The following KITLG variants were observed in gnomAD, a reference collection of about 807,000 sequenced individuals.
KITLG encodes the protein KIT ligand.
In KITLG, 13 loss-of-function variants were observed where a neutral mutation model predicts 34.1. That is an observed-to-expected ratio of 0.38 (90% CI 0.25 to 0.61). KITLG has a LOEUF of 0.61. Among genes scored for constraint, KITLG ranks in the 20% least tolerant of loss-of-function variants. The pLI, the probability that KITLG is intolerant of heterozygous loss-of-function variation, is 0.60. For synonymous variants in KITLG, 110 were observed against 104.0 expected, an observed-to-expected ratio of 1.06 and a Z score of -0.35; for missense variants, 292 against 318.9, an observed-to-expected ratio of 0.92 and a Z score of 0.64.
chr12:88,580,445 G>T lies in KITLG; in HGVS notation c.-167C>A. 1 of 832,770 alleles carries T rather than the reference G, an allele frequency of 1.2e-6. No individual in the cohort carries two copies. The highest frequency in any genetic ancestry group is 1.9e-6 in the Non-Finnish European group (1 of 522,126). 51.6% of individuals were successfully genotyped at this position (832,770 alleles called of 1,614,324 possible). ...GTCCCTGCTTCCCGCAGCGCTTCTA[G>T]TCTCGGCGCGAGGCGGCGAGCGAAG... On this transcript the variant is annotated 5_prime_UTR_variant, in exon 1 of 10. Coordinates refer to ENST00000644744, the MANE Select transcript of KITLG (RefSeq NM_000899.5).
intron 6 of KITLG, among the ~76,000 whole-genome samples, chr12:88,509,687 A>T (rs756273098): frequency 1.3e-5 from 2 of 152,212 alleles, no homozygotes; most frequent in Non-Finnish European, 2.9e-5. Flanking sequence ...TTCACCTCCC[A>T]TAGAGGTCAA....
chr12:88,501,172 CCTT>C (rs1426497971), intron 9 of KITLG, among the ~76,000 whole-genome samples: 2 of 152,092 alleles, frequency 1.3e-5, no homozygotes, highest in Non-Finnish European at 2.9e-5. Flanking sequence ...ATTAAACCCT[CCTT>C]CTTTTCATTT....
intron 3 of KITLG, among the ~76,000 whole-genome samples, chr12:88,523,356 C>T (rs1869746615): frequency 6.6e-6 from 1 of 152,166 alleles, no homozygotes; most frequent in African/African-American, 2.4e-5. Flanking sequence ...CGCGAGAAAC[C>T]AGGACTCTCG....
rs1869009687 is a variant in KITLG, at chr12:88,505,141, AAG to A, written c.*37+16_*37+17del. 7.6e-7 allele frequency: 1 copy of A among 1,321,020 alleles called. No individual in the cohort carries two copies. The highest frequency in any genetic ancestry group is 1.5e-5 in the African/African-American group (1 of 67,874). The allele number at this position is 1,321,020 out of a possible 1,614,324, so 81.8% of individuals were successfully genotyped here. ...TAATAAAAAAAAGAAAAAAAAAGGA[AAG>A]AAGAAAAAAACTTACCAATGTACGA... is the stretch of plus-strand genomic sequence containing the variant. On this transcript the variant is annotated intron_variant, in intron 9 of 9. Transcript: ENST00000644744.
At chr12:88,544,704 T>C (rs767347350) in intron 2 of KITLG, among the ~76,000 whole-genome samples, 5 of 152,156 alleles carry the variant, frequency 3.3e-5, no homozygotes, top group Non-Finnish European at 7.3e-5. Flanking sequence ...GTATAAATTG[T>C]GTCTGTGTGT....
At chr12:88,566,261 T>C (rs1187379348) in intron 1 of KITLG, among the ~76,000 whole-genome samples, 1 of 152,118 alleles carries the variant, frequency 6.6e-6, no homozygotes, top group African/African-American at 2.4e-5. Flanking sequence ...TCTGGATCCA[T>C]TCTTAGAATG....
intron 1 of KITLG, among the ~76,000 whole-genome samples, chr12:88,569,958 T>A (rs1030876425): frequency 9.2e-5 from 14 of 152,196 alleles, no homozygotes; most frequent in Admixed American, 7.9e-4. Flanking sequence ...AAATGGCTGG[T>A]AGCTTTAAAA....
intron 1 of KITLG, among the ~76,000 whole-genome samples, chr12:88,560,740 C>T (rs868704490): frequency 3.2e-4 from 49 of 152,112 alleles, no homozygotes; most frequent in Middle Eastern, 3.4e-3. Context: ...GAGGCTGAGG[C>T]GGGCGGATCA....
intron 1 of KITLG, among the ~76,000 whole-genome samples, chr12:88,573,735 A>G (rs1297484347): frequency 6.6e-6 from 1 of 152,220 alleles, no homozygotes; most frequent in African/African-American, 2.4e-5. Flanking sequence ...AGGTTTGCAC[A>G]GGGATGCAAT....
chr12:88,517,468 G>A (rs1368803329), intron 4 of KITLG, among the ~76,000 whole-genome samples: 1 of 151,978 alleles, frequency 6.6e-6, no homozygotes, highest in African/African-American at 2.4e-5. Context: ...AATCTCCTGG[G>A]TTCCCACCAA....
intron 4 of KITLG, among the ~76,000 whole-genome samples, chr12:88,517,983 G>GTA (rs1307329813): frequency 6.6e-6 from 1 of 152,132 alleles, no homozygotes; most frequent in Non-Finnish European, 1.5e-5. Flanking sequence ...TTTTGCTATA[G>GTA]ACACAGTGTG....
At chr12:88,522,584 C>T (rs933779924) in intron 3 of KITLG, among the ~76,000 whole-genome samples, 3 of 151,970 alleles carry the variant, frequency 2.0e-5, no homozygotes, top group African/African-American at 2.4e-5. Flanking sequence ...TCTGCCACCA[C>T]GCCCAGCTAA....
chr12:88,575,593 G>GA (rs1186727220), intron 1 of KITLG, among the ~76,000 whole-genome samples: 1 of 152,140 alleles, frequency 6.6e-6, no homozygotes, highest in Non-Finnish European at 1.5e-5. Context: ...CTATGAAACA[G>GA]AGCCTATACA....
chr12:88,537,437 G>C (rs567736999), intron 2 of KITLG, among the ~76,000 whole-genome samples: 58 of 152,046 alleles, frequency 3.8e-4, no homozygotes, highest in Non-Finnish European at 1.3e-4. Flanking sequence ...GCATACTCAT[G>C]GAAATAAAGA....
At chr12:88,573,697 C>T (rs1344516230) in intron 1 of KITLG, among the ~76,000 whole-genome samples, 1 of 152,186 alleles carries the variant, frequency 6.6e-6, no homozygotes, top group Non-Finnish European at 1.5e-5. Flanking sequence ...AACACAACGC[C>T]CCCCTCCAAC....
Position 88,580,381 on chromosome 12 carries a change from C to A in KITLG, c.-103G>T. On this transcript the variant is annotated 5_prime_UTR_variant, in exon 1 of 10. Transcript: ENST00000644744. ...TGCACGAACAGCGGCGGCAGATAGTCCACGCATTGGGTAGCCCGAGCGCAG... is the reference window on the plus strand; with the variant it reads ...TGCACGAACAGCGGCGGCAGATAGTACACGCATTGGGTAGCCCGAGCGCAG... 2 of 1,345,046 alleles carry A rather than the reference C, an allele frequency of 1.5e-6. No homozygotes were observed. The highest frequency in any genetic ancestry group is 2.5e-5 in the South Asian group (2 of 80,824). The allele number at this position is 1,345,046 out of a possible 1,614,324, so 83.3% of individuals were successfully genotyped here. A position where few individuals can be genotyped will look rare whatever the true frequency, so the allele number is the denominator to read the frequency against.
rs1869089345 is a variant in KITLG at position 88,507,018 on chromosome 12, T to C, written c.714+10A>G. ...AGCATATTTTTAAAAAAAGGAATGG[T>C]ACCACTTACCTTCCAGTATAAGGCT... is the stretch of plus-strand genomic sequence containing the variant. On this transcript the variant is annotated intron_variant, in intron 7 of 9. Transcript: ENST00000644744. The C allele has an allele frequency of 7.2e-7, 1 of 1,394,766 alleles. No homozygotes were observed. The highest frequency in any genetic ancestry group is 1.0e-6 in the Non-Finnish European group (1 of 979,656). 86.4% of individuals were successfully genotyped at this position (1,394,766 alleles called of 1,614,324 possible). A position where few individuals can be genotyped will look rare whatever the true frequency, so the allele number is the denominator to read the frequency against.
intron 1 of KITLG, among the ~76,000 whole-genome samples, chr12:88,558,921 A>G (rs41300058): frequency 1.3e-5 from 2 of 152,270 alleles, no homozygotes; most frequent in Admixed American, 6.5e-5. Flanking sequence ...CTTGATTTAG[A>G]GTAACTTGAG....
At chr12:88,580,228 G>A (rs779660052) in intron 1 of KITLG, 36 bp downstream of exon 1, 2 of 1,596,884 alleles carry the variant, frequency 1.3e-6, no homozygotes, top group Admixed American at 1.7e-5. Context: ...GATTTTTCCT[G>A]GAGAGCCTGG....
Sources: gnomAD v4.1 joint callset for allele counts (sites outside exome capture counted in the v4.1 genomes callset) on GRCh38, gnomAD v4.1.1 for gene constraint, MANE v1.5 for transcripts, NCBI Gene and HGNC (gene_info 2026-07-23, HGNC 2026-07-21) for gene names.